MDGA2: variants seen among roughly 807,000 people sequenced by gnomAD.
The protein encoded by MDGA2 is MAM domain containing glycosylphosphatidylinositol anchor 2, also known as MAM domain-containing glycosylphosphatidylinositol anchor protein 2.
MDGA2 carries 40 observed loss-of-function variants against 117.8 expected under a neutral mutation model. The ratio of observed to expected loss-of-function variants is 0.34; its 90% CI spans 0.26 to 0.44. MDGA2 has a LOEUF of 0.44. Among genes scored for constraint, MDGA2 ranks in the 20% least tolerant of loss-of-function variants. MDGA2 has a pLI of 1.00. For missense variants in MDGA2, 1,123 were observed against 1,250.6 expected, an observed-to-expected ratio of 0.90 and a Z score of 1.54; for synonymous variants, 452 against 439.0, an observed-to-expected ratio of 1.03 and a Z score of -0.37.
intron 4 of MDGA2, among the ~76,000 whole-genome samples, chr14:47,143,458 T>C (rs1239109866): frequency 6.6e-6 from 1 of 152,186 alleles, no homozygotes; most frequent in Non-Finnish European, 1.5e-5. Context: ...TCAGGACTTA[T>C]TAATTCCTTA....
intron 3 of MDGA2, among the ~76,000 whole-genome samples, chr14:47,198,572 A>C (rs1885375436): frequency 6.7e-6 from 1 of 149,436 alleles, no homozygotes; most frequent in Admixed American, 6.7e-5. Context: ...ACTCCGTCTC[A>C]AAAAAAAAAA....
intron 2 of MDGA2, among the ~76,000 whole-genome samples, chr14:47,288,594 G>A (rs190104783): frequency 2.6e-5 from 4 of 152,254 alleles, no homozygotes; most frequent in Admixed American, 1.3e-4. Flanking sequence ...GGGCCAGGTT[G>A]TAGAAGATAA....
chr14:47,053,120 T>A (rs550005038), intron 7 of MDGA2, among the ~76,000 whole-genome samples: 1 of 151,998 alleles, frequency 6.6e-6, no homozygotes, highest in Non-Finnish European at 1.5e-5. Context: ...AGCTTTCCAC[T>A]GCATGGATAT....
At position 47,626,111 on chromosome 14, in the gene MDGA2, C is replaced by T. The variant is rs75683081; in HGVS notation, c.280+48406G>A. On this transcript the variant is annotated intron_variant, in intron 1 of 16. Transcript: ENST00000399232. ...GACCCTCTGTTTGATTAGATGCCCT[C>T]TTGGGTGGTCTTACTGCATCCTCTG... 4.9e-3 allele frequency among the ~76,000 whole-genome samples: 742 copies of T among 152,328 alleles called. 7 individuals carry two copies. The highest frequency in any genetic ancestry group is 0.017 in the African/African-American group (702 of 41,572).
chr14:47,587,781 T>C (rs988475331), intron 1 of MDGA2, among the ~76,000 whole-genome samples: 2 of 151,990 alleles, frequency 1.3e-5, no homozygotes, highest in African/African-American at 4.8e-5. Flanking sequence ...TTGTTTAGTA[T>C]ATTCGCAGAA....
chr14:47,602,870 A>C (rs1444274527), intron 1 of MDGA2, among the ~76,000 whole-genome samples: 1 of 152,182 alleles, frequency 6.6e-6, no homozygotes, highest in African/African-American at 2.4e-5. Flanking sequence ...CCTGCATAAC[A>C]CTTCTGAACT....
intron 6 of MDGA2, among the ~76,000 whole-genome samples, chr14:47,083,149 A>T (rs936264277): frequency 1.3e-5 from 2 of 152,004 alleles, no homozygotes; most frequent in African/African-American, 4.8e-5. Flanking sequence ...AAAGAATGAG[A>T]AAAAGTAAAT....
At chr14:46,959,285 G>A (rs1340311265) in intron 8 of MDGA2, among the ~76,000 whole-genome samples, 2 of 142,116 alleles carry the variant, frequency 1.4e-5, no homozygotes, top group African/African-American at 2.9e-5. Context: ...GTGTGTGTGT[G>A]TGTGTGTGTG....
At chr14:47,110,302 T>C (rs577535673) in intron 5 of MDGA2, among the ~76,000 whole-genome samples, 10 of 152,286 alleles carry the variant, frequency 6.6e-5, no homozygotes, top group African/African-American at 2.4e-4. Context: ...GCTACGTGGC[T>C]TTTTTCACAA....
chr14:46,937,158 T>G (rs1884812993), intron 9 of MDGA2, among the ~76,000 whole-genome samples: 1 of 151,674 alleles, frequency 6.6e-6, no homozygotes, highest in Non-Finnish European at 1.5e-5. Context: ...GTGAACAGTC[T>G]GAAAAAGAAA....
intron 6 of MDGA2, among the ~76,000 whole-genome samples, chr14:47,072,119 C>A (rs1035497060): frequency 8.3e-4 from 93 of 112,276 alleles, no homozygotes; most frequent in Non-Finnish European, 1.3e-3. Flanking sequence ...GGGGGGTTTG[C>A]AGGTATTATA....
chr14:47,601,240 G>A (rs975330971), intron 1 of MDGA2, among the ~76,000 whole-genome samples: 6 of 152,124 alleles, frequency 3.9e-5, no homozygotes, highest in Admixed American at 2.0e-4. Flanking sequence ...AGTAGTGAAG[G>A]TCTCTAATAT....
intron 10 of MDGA2, among the ~76,000 whole-genome samples, chr14:46,900,320 A>G (rs1883235186): frequency 6.6e-6 from 1 of 152,154 alleles, no homozygotes; most frequent in South Asian, 2.1e-4. Context: ...AAAACTAAAG[A>G]TGGACTTACT....
chr14:47,250,812 G>A (rs1304622051), intron 2 of MDGA2, among the ~76,000 whole-genome samples: 2 of 152,196 alleles, frequency 1.3e-5, no homozygotes, highest in Non-Finnish European at 2.9e-5. Flanking sequence ...TTAAGATATT[G>A]TGGCAATTTT....
chr14:47,262,491 A>G lies in MDGA2; in HGVS notation c.420+38920T>C, dbSNP rs138236596. On this transcript the variant is annotated intron_variant, in intron 2 of 16. Coordinates refer to ENST00000399232, the MANE Select transcript of MDGA2 (RefSeq NM_001113498.3). ...ACACTGTTTGATGTTATTATTAAATAGTATGTGCATTGTAAAATACATATA... is the reference window on the plus strand; with the variant it reads ...ACACTGTTTGATGTTATTATTAAATGGTATGTGCATTGTAAAATACATATA... Among the ~76,000 whole-genome samples, 17 of 152,342 alleles carry G rather than the reference A, an allele frequency of 1.1e-4. No homozygotes were observed. The East Asian group carries it at 2.5e-3, about 22-fold the overall frequency.
chr14:47,205,212 C>A (rs1303138712), intron 3 of MDGA2, among the ~76,000 whole-genome samples: 3 of 151,940 alleles, frequency 2.0e-5, no homozygotes, highest in Non-Finnish European at 2.9e-5. Flanking sequence ...CTCCCTCTCA[C>A]CTAGACTTGC....
intron 5 of MDGA2, among the ~76,000 whole-genome samples, chr14:47,100,971 T>G (rs970245926): frequency 6.6e-6 from 1 of 151,992 alleles, no homozygotes; most frequent in East Asian, 1.9e-4. Flanking sequence ...CAGGTCATGA[T>G]AGACATTGCC....
intron 1 of MDGA2, among the ~76,000 whole-genome samples, chr14:47,617,460 T>C (rs921687781): frequency 3.0e-4 from 46 of 152,238 alleles, no homozygotes; most frequent in African/African-American, 1.0e-3. Context: ...CACCTCGGCC[T>C]CCCAAAGTGC....
chr14:47,053,927 G>T (rs1889568494), intron 7 of MDGA2, among the ~76,000 whole-genome samples: 1 of 151,798 alleles, frequency 6.6e-6, no homozygotes. Flanking sequence ...TTCTATAGAT[G>T]AAAAGTTTTG....
Sources: gnomAD v4.1 joint callset for allele counts (sites outside exome capture counted in the v4.1 genomes callset) on GRCh38, gnomAD v4.1.1 for gene constraint, MANE v1.5 for transcripts, NCBI Gene and HGNC (gene_info 2026-07-23, HGNC 2026-07-21) for gene names.